CACNA1C: variants seen among roughly 807,000 people sequenced by gnomAD.
CACNA1C encodes the protein calcium voltage-gated channel subunit alpha1 C, also known as voltage-dependent L-type calcium channel subunit alpha-1C.
A neutral mutation model predicts 229.0 loss-of-function variants in CACNA1C; 30 were observed. The observed-to-expected ratio is 0.13, with a 90% confidence interval of 0.10 to 0.18. The LOEUF (loss-of-function observed/expected upper bound fraction) is 0.18. CACNA1C is among the 10% of genes least tolerant of loss of function. The probability of loss-of-function intolerance (pLI) is 1.00; values close to 1 mark genes in which losing one functional copy is unlikely to be tolerated. For synonymous variants in CACNA1C, 1,114 were observed against 1,132.5 expected, an observed-to-expected ratio of 0.98 and a Z score of 0.33; for missense variants, 1,658 against 2,845.0, an observed-to-expected ratio of 0.58 and a Z score of 9.49.
At chr12:2,218,494 G>A (rs1390269646) in intron 3 of CACNA1C, among the ~76,000 whole-genome samples, 1 of 152,140 alleles carries the variant, frequency 6.6e-6, no homozygotes, top group Non-Finnish European at 1.5e-5. Flanking sequence ...TTTTATTCCT[G>A]TAGTGCTTGT....
At chr12:2,183,336 C>G (rs1016786903) in intron 3 of CACNA1C, among the ~76,000 whole-genome samples, 30 of 152,184 alleles carry the variant, frequency 2.0e-4, no homozygotes, top group Admixed American at 6.5e-5. Context: ...AGTCCCTATG[C>G]AGAGGTTCCC....
intron 3 of CACNA1C, among the ~76,000 whole-genome samples, chr12:2,315,356 G>T (rs904967401): frequency 2.6e-5 from 4 of 152,208 alleles, no homozygotes; most frequent in Non-Finnish European, 4.4e-5. Context: ...ATGAGTGTTT[G>T]CTTGAGATTG....
At chr12:2,190,040 C>G (rs887949581) in intron 3 of CACNA1C, among the ~76,000 whole-genome samples, 2 of 152,184 alleles carry the variant, frequency 1.3e-5, no homozygotes, top group Non-Finnish European at 2.9e-5. Context: ...CAACCAGAAC[C>G]TGCTCTTTGT....
intron 3 of CACNA1C, among the ~76,000 whole-genome samples, chr12:2,125,078 G>C (rs2089417120): frequency 1.3e-5 from 2 of 152,120 alleles, no homozygotes; most frequent in Admixed American, 1.3e-4. Flanking sequence ...CGTTTGCAGA[G>C]GGTGGAGGAA....
chr12:2,550,453 T>G, intron 10 of CACNA1C: 1 of 1,102,366 alleles, frequency 9.1e-7, no homozygotes, highest in African/African-American at 1.6e-5. Flanking sequence ...TTCTGATAAA[T>G]GTGACCTGGG....
In CACNA1C at chr12:2,654,907, G is replaced by A. The variant is rs1033610199; in HGVS notation, c.4141-240G>A. On this transcript the variant is annotated intron_variant, in intron 33 of 46. Coordinates refer to ENST00000399655, the MANE Select transcript of CACNA1C (RefSeq NM_000719.7). This position sits in a 1 kb window ranked among gnomAD's most constrained non-coding sequence, Gnocchi z 4.4. ...TCTCAGCCCCAGCTCCCACTGGGCT[G>A]CAGGGACCTTCCTGAGGCTGTGGGC... is the stretch of plus-strand genomic sequence containing the variant. Among the ~76,000 whole-genome samples, 1 of 152,204 alleles carries A rather than the reference G, an allele frequency of 6.6e-6. No homozygotes were observed. The highest frequency in any genetic ancestry group is 2.4e-5 in the African/African-American group (1 of 41,460).
At chr12:2,674,102 G>A (rs373531492) in intron 38 of CACNA1C, among the ~76,000 whole-genome samples, 9 of 152,360 alleles carry the variant, frequency 5.9e-5, no homozygotes, top group South Asian at 2.1e-4. Context: ...TGTGACTGCC[G>A]AAGGAGGTCC....
rs762014898 is a variant in CACNA1C, at chr12:2,179,298, G to T, written c.477+58868G>T. 9.2e-5 allele frequency among the ~76,000 whole-genome samples: 14 copies of T among 152,234 alleles called. 1 individual carries two copies. Among genetic ancestry groups the T allele is most frequent in the Non-Finnish European group, 1.9e-4 (13 of 68,046 alleles). On this transcript the variant is annotated intron_variant, in intron 3 of 46. Coordinates refer to ENST00000399655, the MANE Select transcript of CACNA1C (RefSeq NM_000719.7). Reference sequence around the variant, plus strand: ...GAGTTCAGCACAGAAGTAAGTCGGGGAGGAGGTATGCATTGCCACAGACTT... The same window carrying T: ...GAGTTCAGCACAGAAGTAAGTCGGGTAGGAGGTATGCATTGCCACAGACTT...
chr12:2,591,296 C>T (rs146090179), intron 18 of CACNA1C, among the ~76,000 whole-genome samples: 3 of 152,190 alleles, frequency 2.0e-5, no homozygotes, highest in South Asian at 2.1e-4. Flanking sequence ...GTCCATGAGA[C>T]GAGCATCCCA....
chr12:2,385,362 A>T (rs2098359199), intron 3 of CACNA1C, among the ~76,000 whole-genome samples: 1 of 151,798 alleles, frequency 6.6e-6, no homozygotes, highest in South Asian at 2.1e-4. Context: ...CTCATCACCT[A>T]GTTCTGATAG....
chr12:2,485,933 T>G (rs1183683039), intron 5 of CACNA1C, among the ~76,000 whole-genome samples, 171 bp from the exon 6 acceptor site: 1 of 152,180 alleles, frequency 6.6e-6, no homozygotes, highest in Non-Finnish European at 1.5e-5. Context: ...CAACCTGGAT[T>G]TAGACCCCTG....
intron 3 of CACNA1C, among the ~76,000 whole-genome samples, chr12:2,423,199 G>A (rs953590537): frequency 6.6e-6 from 1 of 151,996 alleles, no homozygotes; most frequent in African/African-American, 2.4e-5. Flanking sequence ...CTGCACTTTG[G>A]GACGGATGTC....
At chr12:2,462,498 T>C (rs1429328052) in intron 5 of CACNA1C, among the ~76,000 whole-genome samples, 1 of 152,254 alleles carries the variant, frequency 6.6e-6, no homozygotes, top group Non-Finnish European at 1.5e-5. Context: ...TATCACCCCT[T>C]ACCTCATGAG....
intron 3 of CACNA1C, among the ~76,000 whole-genome samples, chr12:2,154,999 A>C (rs540782018): frequency 1.3e-5 from 2 of 152,298 alleles, no homozygotes; most frequent in South Asian, 2.1e-4. Context: ...GGTGCCGTCT[A>C]TCTCTGTGTG....
intron 1 of CACNA1C, among the ~76,000 whole-genome samples, chr12:2,055,166 T>C (rs1308764101): frequency 6.6e-6 from 1 of 152,212 alleles, no homozygotes; most frequent in Non-Finnish European, 1.5e-5. Flanking sequence ...TGGATTTCTC[T>C]ACTGTTGACC....
chr12:2,381,037 G>A (rs753104480), intron 3 of CACNA1C, among the ~76,000 whole-genome samples: 1 of 152,190 alleles, frequency 6.6e-6, no homozygotes, highest in Non-Finnish European at 1.5e-5. Context: ...CCTTTGCAAG[G>A]TCTCCACGTC....
intron 3 of CACNA1C, among the ~76,000 whole-genome samples, chr12:2,123,660 T>TTGATGGCATTGCTGGCCTTGCTGTCA (rs1285016105): frequency 3.9e-5 from 6 of 152,170 alleles, no homozygotes; most frequent in Non-Finnish European, 8.8e-5. Flanking sequence ...CTTGGCCGGG[T>TTGATGGCATTGCTGGCCTTGCTGTCA]TGATGGCATT....
intron 3 of CACNA1C, among the ~76,000 whole-genome samples, chr12:2,339,633 T>A (rs2096800982): frequency 6.6e-6 from 1 of 152,208 alleles, no homozygotes; most frequent in African/African-American, 2.4e-5. Flanking sequence ...TTTATTTTAT[T>A]TTTTGCTTTG....
intron 9 of CACNA1C, among the ~76,000 whole-genome samples, chr12:2,520,100 A>G (rs1002327910): frequency 2.0e-5 from 3 of 151,302 alleles, no homozygotes; most frequent in Non-Finnish European, 3.0e-5. Context: ...TCATTGCCCA[A>G]TGGCCGTGTG....
Sources: gnomAD v4.1 joint callset for allele counts (sites outside exome capture counted in the v4.1 genomes callset) on GRCh38, gnomAD v4.1.1 for gene constraint, Gnocchi (gnomAD v3.1) non-coding constraint, MANE v1.5 for transcripts, NCBI Gene and HGNC (gene_info 2026-07-23, HGNC 2026-07-21) for gene names.